ZNF43: variants seen among roughly 807,000 people sequenced by gnomAD.
ZNF43 encodes zinc finger protein 39-like 1 (KOX 27).
ZNF43 carries 44 observed loss-of-function variants against 68.4 expected under a neutral mutation model. That is an observed-to-expected ratio of 0.64 (90% CI 0.51 to 0.83). The LOEUF is 0.83. ZNF43 is among the 40% of genes least tolerant of loss of function. The probability of loss-of-function intolerance (pLI) is 0.00; values close to 1 mark genes in which losing one functional copy is unlikely to be tolerated. For synonymous variants in ZNF43, 308 were observed against 307.8 expected (o/e 1.00, Z -0.01); for missense variants, 896 against 933.2 (o/e 0.96, Z 0.52).
chr19:21,851,892 C>A (rs759205469), intron 1 of ZNF43: 3 of 1,575,802 alleles, frequency 1.9e-6, no homozygotes, highest in South Asian at 2.3e-5. Context: ...GATGCCTAAC[C>A]CCGCACACTC....
intron 1 of ZNF43, among the ~76,000 whole-genome samples, chr19:21,833,533 G>C (rs1303070025): frequency 6.6e-6 from 1 of 151,686 alleles, no homozygotes; most frequent in East Asian, 2.0e-4. Flanking sequence ...GCCTCCCAAA[G>C]TGTTGGGATT....
intron 3 of ZNF43, among the ~76,000 whole-genome samples, chr19:21,815,442 G>A (rs1395928733): frequency 6.8e-6 from 1 of 146,724 alleles, no homozygotes; most frequent in East Asian, 2.0e-4. Context: ...TGAAACTGCT[G>A]TAATCCAACT....
At chr19:21,834,968 C>T (rs913524699) in intron 1 of ZNF43, among the ~76,000 whole-genome samples, 1 of 149,068 alleles carries the variant, frequency 6.7e-6, no homozygotes, top group African/African-American at 2.5e-5. Context: ...TAGCCCGGCT[C>T]GGTGGCTATT....
chr19:21,829,207 G>T (rs768787569), intron 1 of ZNF43, among the ~76,000 whole-genome samples: 3 of 151,836 alleles, frequency 2.0e-5, no homozygotes, highest in Non-Finnish European at 4.4e-5. Context: ...CTGGGTGACA[G>T]AGTGAGACTC....
intron 1 of ZNF43, among the ~76,000 whole-genome samples, chr19:21,847,866 C>A (rs1461585420): frequency 6.6e-6 from 1 of 152,116 alleles, no homozygotes; most frequent in East Asian, 1.9e-4. Flanking sequence ...CAGAGTCTCG[C>A]TCTGTCACCC....
At chr19:21,846,148 A>T (rs765854336) in intron 1 of ZNF43, among the ~76,000 whole-genome samples, 7 of 152,204 alleles carry the variant, frequency 4.6e-5, no homozygotes, top group Non-Finnish European at 8.8e-5. Flanking sequence ...CTCAGGAAGA[A>T]GACAAGAGTC....
At chr19:21,847,754 C>T (rs1259683672) in intron 1 of ZNF43, among the ~76,000 whole-genome samples, 2 of 151,932 alleles carry the variant, frequency 1.3e-5, no homozygotes, top group Non-Finnish European at 2.9e-5. Flanking sequence ...AGTTACATCA[C>T]AAAGCTCCAT....
chr19:21,821,129 C>T (rs1276870206), intron 1 of ZNF43, among the ~76,000 whole-genome samples: 2 of 149,686 alleles, frequency 1.3e-5, no homozygotes, highest in Admixed American at 6.7e-5. Context: ...GCCACCACAC[C>T]CGGCTGTAAT....
chr19:21,814,724 G>T (rs1005733054), intron 3 of ZNF43, among the ~76,000 whole-genome samples: 4 of 151,684 alleles, frequency 2.6e-5, no homozygotes, highest in African/African-American at 9.7e-5. Flanking sequence ...AGCCCAATAT[G>T]GGATTTAATT....
intron 1 of ZNF43, among the ~76,000 whole-genome samples, chr19:21,823,820 C>A (rs558133904): frequency 6.6e-6 from 1 of 152,144 alleles, no homozygotes; most frequent in African/African-American, 2.4e-5. Flanking sequence ...CCATCCATCT[C>A]GGCCTCCCAA....
At chr19:21,815,556 G>T (rs1485483473) in intron 3 of ZNF43, among the ~76,000 whole-genome samples, 1 of 149,002 alleles carries the variant, frequency 6.7e-6, no homozygotes, top group East Asian at 2.0e-4. Flanking sequence ...AAATATTTGG[G>T]AATAAATTAT....
intron 1 of ZNF43, among the ~76,000 whole-genome samples, chr19:21,849,136 C>T (rs1354013896): frequency 2.0e-5 from 3 of 152,142 alleles, no homozygotes; most frequent in Non-Finnish European, 2.9e-5. Context: ...ATCTCACCTG[C>T]TTGCTGAACT....
At chr19:21,817,739 G>A in intron 3 of ZNF43, 149 bp downstream of exon 3, 1 of 746,512 alleles carries the variant, frequency 1.3e-6, no homozygotes, top group Non-Finnish European at 2.2e-6. Context: ...AGATACCCTT[G>A]TGTGAAAGCA....
chr19:21,847,829 T>A (rs1429181847), intron 1 of ZNF43, among the ~76,000 whole-genome samples: 1 of 152,072 alleles, frequency 6.6e-6, no homozygotes, highest in African/African-American at 2.4e-5. Flanking sequence ...TATGTAACAA[T>A]TTCTTTTTTA....
chr19:21,833,341 A>C (rs2038514861), intron 1 of ZNF43, among the ~76,000 whole-genome samples: 1 of 152,100 alleles, frequency 6.6e-6, no homozygotes, highest in Non-Finnish European at 1.5e-5. Context: ...ACCTCAGCTC[A>C]CTGCAACCTC....
rs1304016606 is a variant in ZNF43 at position 21,808,425 on chromosome 19, A to G, written c.1612T>C (p.Tyr538His). Reference protein sequence around the residue: ...HKITHTGEKPYKCEECGKAFN... With the variant: ...HKITHTGEKPHKCEECGKAFN... ...GCTTTGCCACATTCTTCACATTTGT[A>G]GGGTTTCTCTCCAGTATGAGTTATC... Residue 538 changes from tyrosine to histidine, a missense_variant, in exon 4 of 4, where the codon TAC becomes CAC. Physicochemically the swap from Tyr to His is moderately conservative, Grantham distance 83 (BLOSUM62 2). Transcript: ENST00000354959. 1 of 1,613,168 alleles carries G rather than the reference A, an allele frequency of 6.2e-7. No homozygotes were observed. The highest frequency in any genetic ancestry group is 8.5e-7 in the Non-Finnish European group (1 of 1,179,888).
At chr19:21,815,431 A>C (rs1016089621) in intron 3 of ZNF43, among the ~76,000 whole-genome samples, 6 of 150,960 alleles carry the variant, frequency 4.0e-5, no homozygotes, top group African/African-American at 1.5e-4. Context: ...CTTACAAAAA[A>C]TGAAACTGCT....
At chr19:21,836,765 TTTTA>T (rs1967130977), upstream of ZNF43, among the ~76,000 whole-genome samples, 1 of 152,120 alleles carries the variant, frequency 6.6e-6, no homozygotes, top group African/African-American at 2.4e-5. Flanking sequence ...GTTATCATAT[TTTTA>T]TTTGTAGAGA....
At position 21,808,163 on chromosome 19, in the gene ZNF43, T is replaced by C; in HGVS notation, c.1874A>G (p.Glu625Gly). The C allele has an allele frequency of 6.2e-7, 1 of 1,613,386 alleles. No individual in the cohort carries two copies. Among genetic ancestry groups the C allele is most frequent in the South Asian group, 1.1e-5 (1 of 90,994 alleles). ...IHTGGKPYKCEECGKAFNQFS... is the reference protein window; with the variant it reads ...IHTGGKPYKCGECGKAFNQFS... ...CTGGTTAAAAGCTTTGCCACATTCT[T>C]CACATTTGTAGGGTTTTCCTCCAGT... Residue 625 changes from glutamate (E) to glycine (G), a missense_variant, in exon 4 of 4, where the codon GAA (glutamate) becomes GGA (glycine). Glu to Gly is a moderately conservative substitution (Grantham distance 98). Transcript: ENST00000354959.
Sources: gnomAD v4.1 joint callset for allele counts (sites outside exome capture counted in the v4.1 genomes callset) on GRCh38, gnomAD v4.1.1 for gene constraint, MANE v1.5 for transcripts, NCBI Gene and HGNC (gene_info 2026-07-23, HGNC 2026-07-21) for gene names.